The following STYK1 variants were observed in gnomAD, a reference collection of about 807,000 sequenced individuals.
The protein encoded by STYK1 is tyrosine-protein kinase STYK1.
STYK1 carries 46 observed loss-of-function variants against 48.1 expected under a neutral mutation model. The observed-to-expected ratio is 0.96, with a 90% CI of 0.75 to 1.22. The LOEUF (loss-of-function observed/expected upper bound fraction) is 1.22. Ranked by LOEUF, STYK1 falls within the 50% of genes most tolerant of loss-of-function variation. The pLI is 0.00. For synonymous variants in STYK1, 188 were observed against 189.0 expected (o/e 0.99, Z 0.04); for missense variants, 527 against 521.1 (o/e 1.01, Z -0.11).
At chr12:10,644,056 CTT>C (rs943362406) in intron 1 of STYK1, among the ~76,000 whole-genome samples, 13 of 152,216 alleles carry the variant, frequency 8.5e-5, no homozygotes, top group African/African-American at 3.1e-4. Flanking sequence ...AACTTAAGGA[CTT>C]TATGCTGAGT....
chr12:10,638,314 C>T (rs1491002580), intron 1 of STYK1, among the ~76,000 whole-genome samples: 1 of 152,178 alleles, frequency 6.6e-6, no homozygotes, highest in Non-Finnish European at 1.5e-5. Context: ...TTTCTCTTAT[C>T]AGTTGCTTCA....
At chr12:10,643,084 C>G (rs981820990) in intron 1 of STYK1, among the ~76,000 whole-genome samples, 1 of 152,232 alleles carries the variant, frequency 6.6e-6, no homozygotes, top group Admixed American at 6.5e-5. Flanking sequence ...GAAGATGTAG[C>G]CTTTATCCAC....
intron 1 of STYK1, among the ~76,000 whole-genome samples, chr12:10,649,135 A>C (rs1947632237): frequency 6.6e-6 from 1 of 152,190 alleles, no homozygotes; most frequent in Non-Finnish European, 1.5e-5. Context: ...AAATATAAAT[A>C]GGGATTTGCT....
intron 1 of STYK1, among the ~76,000 whole-genome samples, chr12:10,666,908 T>C (rs1307286390): frequency 6.6e-6 from 1 of 152,352 alleles, no homozygotes; most frequent in East Asian, 1.9e-4. Flanking sequence ...CAGTTCTTTA[T>C]AGCAGTGTGA....
intron 10 of STYK1, 47 bp from the exon 11 acceptor site, chr12:10,620,395 A>G (rs1865888929): frequency 1.9e-6 from 3 of 1,563,478 alleles, no homozygotes; most frequent in African/African-American, 1.4e-5. Context: ...AGGCAAATGT[A>G]TGGGGAGCAT....
intron 1 of STYK1, among the ~76,000 whole-genome samples, chr12:10,661,052 C>T (rs1036526541): frequency 6.6e-6 from 1 of 152,114 alleles, no homozygotes; most frequent in Admixed American, 6.5e-5. Context: ...GAACCTTCTG[C>T]TGGGGGTCTG....
intron 2 of STYK1, among the ~76,000 whole-genome samples, chr12:10,635,345 T>C (rs557414603): frequency 3.3e-5 from 5 of 152,358 alleles, no homozygotes; most frequent in Non-Finnish European, 5.9e-5. Context: ...AAATAAAAAA[T>C]TGACAGATGT....
intron 1 of STYK1, among the ~76,000 whole-genome samples, 180 bp from the exon 2 acceptor site, chr12:10,637,376 C>T (rs1264984450): frequency 3.5e-5 from 5 of 143,470 alleles, no homozygotes; most frequent in East Asian, 2.0e-4. Context: ...CTCACTCTGT[C>T]GCCCAGGCTG....
intron 10 of STYK1, among the ~76,000 whole-genome samples, chr12:10,621,232 T>C (rs1865901435): frequency 6.6e-6 from 1 of 152,204 alleles, no homozygotes; most frequent in African/African-American, 2.4e-5. Flanking sequence ...TCATTGGTAA[T>C]AACAGTCTAT....
intron 2 of STYK1, among the ~76,000 whole-genome samples, chr12:10,635,552 GC>G (rs1269851325): frequency 6.6e-6 from 1 of 152,100 alleles, no homozygotes; most frequent in Non-Finnish European, 1.5e-5. Flanking sequence ...TCAGTACCAA[GC>G]CACCTTCTCT....
Position 10,619,645 on chromosome 12 carries a change from A to C in STYK1, c.*499T>G, listed in dbSNP as rs1429562910. On this transcript the variant is annotated 3_prime_UTR_variant, in exon 11 of 11. Transcript: ENST00000075503. ...ACCCCACATGTAGGGCTCAGGACTGAAGAACTTTGTGTCCTACCACCTTTT... is the reference window on the plus strand; with the variant it reads ...ACCCCACATGTAGGGCTCAGGACTGCAGAACTTTGTGTCCTACCACCTTTT... The C allele has an allele frequency of 1.1e-5, 2 of 177,156 alleles. No individual in the cohort carries two copies. Among genetic ancestry groups the C allele is most frequent in the East Asian group, 3.0e-4 (2 of 6,776 alleles). 11.0% of individuals were successfully genotyped at this position (177,156 alleles called of 1,614,324 possible).
intron 1 of STYK1, 100 bp from the exon 2 acceptor site, chr12:10,637,296 T>C (rs1947496460): frequency 1.3e-5 from 2 of 152,124 alleles, no homozygotes; most frequent in Non-Finnish European, 2.9e-5. Context: ...TTACAGTTTA[T>C]TTAGGTAGAG....
chr12:10,665,661 T>A (rs1314013860), intron 1 of STYK1, among the ~76,000 whole-genome samples: 2 of 152,234 alleles, frequency 1.3e-5, no homozygotes, highest in African/African-American at 4.8e-5. Flanking sequence ...GGGATGCACA[T>A]GTGTCCAGAC....
rs780487116 is a variant in STYK1 at position 10,633,932 on chromosome 12, T to A, written c.187+58A>T. 5 of 1,588,004 alleles carry A rather than the reference T, an allele frequency of 3.1e-6. No homozygotes were observed. In the South Asian group the frequency reaches 5.8e-5, roughly 18 times the overall value. On this transcript the variant is annotated intron_variant, in intron 4 of 10. Coordinates refer to ENST00000075503, the MANE Select transcript of STYK1 (RefSeq NM_018423.3). ...GGGCTCATTGAAACTTAGACCATAC[T>A]TTTTCCTAATCTCCATCTTCTTTAA...
In STYK1 at chr12:10,621,857, G is replaced by C; in HGVS notation, c.1064+19C>G. 1 of 1,605,932 alleles carries C rather than the reference G, an allele frequency of 6.2e-7. No individual in the cohort carries two copies. On this transcript the variant is annotated intron_variant, in intron 10 of 10. Transcript: ENST00000075503. ...AACATTTGGAATGAAAGAGGAGCAG[G>C]CCTTTAAAAACCACTTACATGGTAT...
intron 1 of STYK1, among the ~76,000 whole-genome samples, chr12:10,658,929 T>A (rs1409459655): frequency 6.6e-6 from 1 of 152,206 alleles, no homozygotes; most frequent in Non-Finnish European, 1.5e-5. Flanking sequence ...TAAGACTTTC[T>A]GTCATTCACA....
chr12:10,623,937 T>TAA (rs1333626220), intron 8 of STYK1, among the ~76,000 whole-genome samples: 1 of 152,198 alleles, frequency 6.6e-6, no homozygotes. Context: ...TGTACATTTA[T>TAA]AAGTTTTATG....
chr12:10,660,207 G>A (rs1947761294), intron 1 of STYK1, among the ~76,000 whole-genome samples: 1 of 152,164 alleles, frequency 6.6e-6, no homozygotes, highest in African/African-American at 2.4e-5. Flanking sequence ...TAGGAATGCA[G>A]TATAAGCTTA....
At chr12:10,669,117 G>C (rs571581550) in intron 1 of STYK1, among the ~76,000 whole-genome samples, 58 of 152,294 alleles carry the variant, frequency 3.8e-4, no homozygotes, top group Non-Finnish European at 7.6e-4. Flanking sequence ...GCATATATCA[G>C]AATTCATATG....
Sources: allele counts gnomAD v4.1 joint callset (sites outside exome capture counted in the v4.1 genomes callset), GRCh38; gene constraint gnomAD v4.1.1; transcripts MANE v1.5; gene names NCBI Gene and HGNC (gene_info 2026-07-23, HGNC 2026-07-21).